EPHA3: variants seen among roughly 807,000 people sequenced by gnomAD.
The protein encoded by EPHA3 is EPH receptor A3.
Under a neutral mutation model 107.1 loss-of-function variants are expected in EPHA3, and 42 were observed. The observed-to-expected ratio is 0.39, with a 90% CI of 0.31 to 0.51. The LOEUF (loss-of-function observed/expected upper bound fraction) is 0.51. Among genes scored for constraint, EPHA3 ranks in the 20% least tolerant of loss-of-function variants. The pLI is 0.78. For missense variants in EPHA3, 1,183 were observed against 1,211.2 expected (o/e 0.98, Z 0.35); for synonymous variants, 461 against 424.8 (o/e 1.09, Z -1.05).
chr3:89,261,406 C>T (rs914668056), intron 3 of EPHA3, among the ~76,000 whole-genome samples: 2 of 152,094 alleles, frequency 1.3e-5, no homozygotes, highest in Non-Finnish European at 2.9e-5. Flanking sequence ...TGTTTCCTTA[C>T]CCCTGGATTG....
At position 89,144,028 on chromosome 3, in the gene EPHA3, G is replaced by A. The variant is rs1253787532; in HGVS notation, c.153+16755G>A. ...CAGTTTCCTCCATAATTAACATCTT[G>A]CATTGCTGGGGTATGTTTTTTGAAA... is the stretch of plus-strand genomic sequence containing the variant. On this transcript the variant is annotated intron_variant, in intron 2 of 16. Coordinates refer to ENST00000336596, the MANE Select transcript of EPHA3 (RefSeq NM_005233.6). Among the ~76,000 whole-genome samples the A allele has an allele frequency of 2.6e-5, 4 of 151,482 alleles. No homozygotes were observed. In the East Asian group the frequency reaches 5.8e-4, roughly 22 times the overall value.
At chr3:89,360,311 A>C (rs1178317999) in intron 5 of EPHA3, among the ~76,000 whole-genome samples, 1 of 150,982 alleles carries the variant, frequency 6.6e-6, no homozygotes, top group Non-Finnish European at 1.5e-5. Flanking sequence ...TAATTAGATA[A>C]TAATTGCTTG....
intron 3 of EPHA3, among the ~76,000 whole-genome samples, chr3:89,303,185 T>G (rs1276592942): frequency 1.3e-5 from 2 of 152,282 alleles, no homozygotes; most frequent in East Asian, 1.9e-4. Flanking sequence ...CTTGAGCTAC[T>G]GCACCCAGCC....
At chr3:89,290,439 T>C (rs1359731912) in intron 3 of EPHA3, among the ~76,000 whole-genome samples, 1 of 152,138 alleles carries the variant, frequency 6.6e-6, no homozygotes, top group Non-Finnish European at 1.5e-5. Flanking sequence ...GCATACATCA[T>C]ATGGAAAGAA....
chr3:89,122,369 G>A (rs1439488173), intron 1 of EPHA3, among the ~76,000 whole-genome samples: 2 of 152,156 alleles, frequency 1.3e-5, no homozygotes, highest in African/African-American at 4.8e-5. Context: ...GGTTTTACTA[G>A]AGAACATGTG....
At chr3:89,123,129 C>CT (rs1442876698) in intron 1 of EPHA3, among the ~76,000 whole-genome samples, 2 of 151,946 alleles carry the variant, frequency 1.3e-5, no homozygotes, top group African/African-American at 2.4e-5. Context: ...TACTTTCCTC[C>CT]TTTTTTTGTT....
chr3:89,243,682 T>G (rs1008822539), intron 3 of EPHA3, among the ~76,000 whole-genome samples: 5 of 152,186 alleles, frequency 3.3e-5, no homozygotes, highest in African/African-American at 1.2e-4. Context: ...ATGAGTAGAT[T>G]GCAAAAATTT....
Position 89,367,196 on chromosome 3 carries a change from T to C in EPHA3, c.1306+25106T>C, listed in dbSNP as rs1302441585. Among the ~76,000 whole-genome samples, 3 of 150,886 alleles carry C rather than the reference T, an allele frequency of 2.0e-5. 1 individual carries two copies. The highest frequency in any genetic ancestry group is 7.3e-5 in the African/African-American group (3 of 41,322). ...CCACTTTATGCTCCATGAATACATT[T>C]TCTTGTAAACTTGCATAAACTCGCT... On this transcript the variant is annotated intron_variant, in intron 5 of 16. Transcript: ENST00000336596.
Position 89,472,507 on chromosome 3 carries a change from A to C in EPHA3, c.2734A>C (p.Thr912Pro), listed in dbSNP as rs531837299. 1.2e-6 allele frequency: 2 copies of C among 1,614,068 alleles called. No homozygotes were observed. Among genetic ancestry groups the C allele is most frequent in the East Asian group, 4.5e-5 (2 of 44,868 alleles). Residue 912 changes from threonine (T) to proline (P), a missense_variant, in exon 16 of 17, where the codon ACC becomes CCC. Transcript: ENST00000336596. ...GGACCAAAGCAATGTGGATATCACTACCTTCCGCACAACAGGTGACTGGCT... is the reference window on the plus strand; with the variant it reads ...GGACCAAAGCAATGTGGATATCACTCCCTTCCGCACAACAGGTGACTGGCT... ...LLDQSNVDIT[T>P]FRTTGDWLNG...
intron 2 of EPHA3, among the ~76,000 whole-genome samples, chr3:89,160,581 TGTGTGTGTGC>T (rs1293487137): frequency 5.1e-5 from 7 of 136,474 alleles, no homozygotes; most frequent in African/African-American, 2.0e-4. Context: ...TGTGTGTGTG[TGTGTGTGTGC>T]GCGCATTCTT....
intron 2 of EPHA3, among the ~76,000 whole-genome samples, chr3:89,182,667 G>T (rs1254926003): frequency 2.6e-5 from 4 of 151,858 alleles, no homozygotes; most frequent in African/African-American, 9.7e-5. Context: ...TGTGGTGCGT[G>T]CATAGGCATG....
chr3:89,475,405 AAAGTAT>A (rs1259522788), intron 16 of EPHA3, among the ~76,000 whole-genome samples: 4 of 152,328 alleles, frequency 2.6e-5, no homozygotes, highest in Admixed American at 2.6e-4. Context: ...TCAGGCTGTC[AAAGTAT>A]AGGAAAAGAT....
At chr3:89,143,108 A>T (rs1212659128) in intron 2 of EPHA3, among the ~76,000 whole-genome samples, 2 of 151,386 alleles carry the variant, frequency 1.3e-5, no homozygotes, top group Non-Finnish European at 3.0e-5. Flanking sequence ...ATAACATTAT[A>T]TTTATAAAAT....
chr3:89,339,386 A>AG (rs1707465640), intron 3 of EPHA3, among the ~76,000 whole-genome samples: 1 of 151,518 alleles, frequency 6.6e-6, no homozygotes, highest in South Asian at 2.1e-4. Flanking sequence ...AAAAAAAAAA[A>AG]AAAAGAAAGA....
intron 2 of EPHA3, among the ~76,000 whole-genome samples, chr3:89,208,799 A>G (rs112555908): frequency 1.0e-3 from 156 of 152,306 alleles, no homozygotes; most frequent in African/African-American, 3.6e-3. Flanking sequence ...TTTAAGAGGA[A>G]CACAAATGTG....
intron 3 of EPHA3, among the ~76,000 whole-genome samples, chr3:89,297,134 T>C (rs1706372837): frequency 6.6e-6 from 1 of 152,210 alleles, no homozygotes; most frequent in Admixed American, 6.5e-5. Flanking sequence ...AAGGTTGTTT[T>C]ATTTTTCTAT....
At chr3:89,121,300 T>TA (rs1707377839) in intron 1 of EPHA3, among the ~76,000 whole-genome samples, 1 of 152,194 alleles carries the variant, frequency 6.6e-6, no homozygotes, top group African/African-American at 2.4e-5. Context: ...GTTCATTTGA[T>TA]AAAAATTGTA....
Position 89,207,541 on chromosome 3 carries a change from A to G in EPHA3, c.154-2319A>G, listed in dbSNP as rs564842812. ...TATTCTTTTTTTAAACAAACAAACA[A>G]AGCAAAAAACACACAAGAAAATCAT... is the stretch of plus-strand genomic sequence containing the variant. On this transcript the variant is annotated intron_variant, in intron 2 of 16. Coordinates refer to ENST00000336596, the MANE Select transcript of EPHA3 (RefSeq NM_005233.6). Among the ~76,000 whole-genome samples the G allele has an allele frequency of 3.6e-4, 55 of 152,168 alleles. 1 individual carries two copies. In the East Asian group the frequency reaches 6.2e-3, roughly 17 times the overall value.
intron 13 of EPHA3, among the ~76,000 whole-genome samples, chr3:89,433,583 C>T (rs1709610520): frequency 6.6e-6 from 1 of 152,056 alleles, no homozygotes; most frequent in Admixed American, 6.6e-5. Flanking sequence ...AGTGCATTTA[C>T]TTTGTTCATG....
Sources: gnomAD v4.1 joint callset for allele counts (sites outside exome capture counted in the v4.1 genomes callset) on GRCh38, gnomAD v4.1.1 for gene constraint, MANE v1.5 for transcripts, NCBI Gene and HGNC (gene_info 2026-07-23, HGNC 2026-07-21) for gene names.